TIMD4: variants seen among roughly 807,000 people sequenced by gnomAD.
The protein encoded by TIMD4 is T cell immunoglobulin and mucin domain containing 4.
A neutral mutation model predicts 41.2 loss-of-function variants in TIMD4; 31 were observed. The observed-to-expected ratio is 0.75, with a 90% CI of 0.57 to 1.01. The LOEUF (loss-of-function observed/expected upper bound fraction) is 1.01, where lower values mean the gene tolerates loss of function less well. TIMD4 is among the 50% of genes least tolerant of loss of function. The probability of loss-of-function intolerance (pLI) is 0.00; values close to 1 mark genes in which losing one functional copy is unlikely to be tolerated. For synonymous variants in TIMD4, 204 were observed against 177.1 expected, an observed-to-expected ratio of 1.15 and a Z score of -1.21; for missense variants, 479 against 472.5, an observed-to-expected ratio of 1.01 and a Z score of -0.13.
rs142300944 is a variant in TIMD4, at chr5:156,935,913, G to A, written c.845-9601C>T. On this transcript the variant is annotated intron_variant, in intron 5 of 8. Coordinates refer to ENST00000274532, the MANE Select transcript of TIMD4 (RefSeq NM_138379.3). ...ACTCTCCTCTGGAGGGCAATGTCTA[G>A]CACTGGGCTTTGCCCACATTAGCTG... Among the ~76,000 whole-genome samples, 408 of 152,308 alleles carry A rather than the reference G, an allele frequency of 2.7e-3. 6 individuals are homozygous for A. The highest frequency in any genetic ancestry group is 0.014 in the Middle Eastern group (4 of 294).
chr5:156,924,482 T>C, intron 6 of TIMD4: 1 of 486,174 alleles, frequency 2.1e-6, no homozygotes, highest in Admixed American at 2.3e-5. Flanking sequence ...TTGCTGGCCT[T>C]GTTGGACTTG....
At position 156,951,655 on chromosome 5, in the gene TIMD4, G is replaced by A. The variant is rs61744066; in HGVS notation, c.536C>T (p.Thr179Ile). 4,626 of 1,614,114 alleles carry A rather than the reference G, an allele frequency of 2.9e-3. 146 individuals carry two copies. The African/African-American group carries it at 0.057, about 20-fold the overall frequency. ...GGTTGTCATCTGGAGTGGTGTTCCG[G>A]TTGTGAGATCGGGTGTGGTCACGAC... Reference protein sequence around the residue: ...TTVVTTPDLTTGTPLQMTTIA... With the variant: ...TTVVTTPDLTIGTPLQMTTIA... The change falls in exon 3 of 9, where the codon ACC (threonine) becomes ATC (isoleucine). Residue 179 changes from threonine (T) to isoleucine (I), a missense_variant. Transcript: ENST00000274532.
At chr5:156,927,701 G>C (rs1048085768) in intron 5 of TIMD4, among the ~76,000 whole-genome samples, 2 of 152,170 alleles carry the variant, frequency 1.3e-5, no homozygotes, top group Non-Finnish European at 2.9e-5. Context: ...GACATTGAAT[G>C]TGGGGGTAAG....
At chr5:156,930,252 C>T (rs1759422329) in intron 5 of TIMD4, among the ~76,000 whole-genome samples, 1 of 152,160 alleles carries the variant, frequency 6.6e-6, no homozygotes. Context: ...TGAACCACTG[C>T]ACCCAGCCTC....
intron 5 of TIMD4, among the ~76,000 whole-genome samples, chr5:156,927,242 A>G (rs1487060713): frequency 1.3e-5 from 2 of 152,248 alleles, no homozygotes; most frequent in South Asian, 2.1e-4. Flanking sequence ...CACCTCACAT[A>G]TACTTGGTGC....
intron 1 of TIMD4, among the ~76,000 whole-genome samples, chr5:156,956,321 C>T (rs901009179): frequency 6.6e-6 from 1 of 152,188 alleles, no homozygotes; most frequent in Middle Eastern, 3.4e-3. Context: ...TCTAAAATGG[C>T]AGCTGTGCCA....
intron 5 of TIMD4, among the ~76,000 whole-genome samples, chr5:156,947,655 A>C (rs1759769260): frequency 6.6e-6 from 1 of 152,262 alleles, no homozygotes; most frequent in African/African-American, 2.4e-5. Flanking sequence ...TATAACAATA[A>C]GTGAATAAAA....
intron 5 of TIMD4, among the ~76,000 whole-genome samples, chr5:156,947,513 A>G (rs141004404): frequency 8.9e-4 from 136 of 152,360 alleles, no homozygotes; most frequent in African/African-American, 3.1e-3. Flanking sequence ...AGCACTGTTT[A>G]TAAAAAGGAA....
At chr5:156,948,594 T>A in intron 4 of TIMD4, 95 bp from the exon 5 acceptor site, 1 of 692,142 alleles carries the variant, frequency 1.4e-6, no homozygotes, top group Non-Finnish European at 2.1e-6. Context: ...ACTTCTGTCA[T>A]TGAAAACAAA....
intron 5 of TIMD4, among the ~76,000 whole-genome samples, chr5:156,944,792 A>G (rs976144501): frequency 3.3e-5 from 5 of 151,788 alleles, no homozygotes; most frequent in Non-Finnish European, 5.9e-5. Context: ...GGCTTGAGCC[A>G]CTGTGCCTGG....
rs1302764221 is a variant in TIMD4, at chr5:156,963,220, G to A, written c.-22C>T. On this transcript the variant is annotated 5_prime_UTR_variant, in exon 1 of 9. Coordinates refer to ENST00000274532, the MANE Select transcript of TIMD4 (RefSeq NM_138379.3). ...ACATTTTGACGGTTGACCGGACCCA[G>A]GAGTCTGTCTATCTATCCAAAGCCC... 3.1e-6 allele frequency: 5 copies of A among 1,613,964 alleles called. No homozygotes were observed. Among genetic ancestry groups the A allele is most frequent in the Non-Finnish European group, 4.2e-6 (5 of 1,179,854 alleles).
chr5:156,948,858 T>A (rs957932969), intron 4 of TIMD4, among the ~76,000 whole-genome samples: 2 of 152,242 alleles, frequency 1.3e-5, no homozygotes, highest in African/African-American at 2.4e-5. Context: ...TGTGCTGTAC[T>A]ATCACAAACG....
intron 6 of TIMD4, chr5:156,924,053 G>T (rs1212481582): frequency 5.2e-6 from 1 of 191,258 alleles, no homozygotes; most frequent in Non-Finnish European, 1.1e-5. Flanking sequence ...TCGCCCTGTT[G>T]CCCAGGCTAG....
chr5:156,960,947 A>T (rs548166770), intron 1 of TIMD4, among the ~76,000 whole-genome samples: 1 of 152,378 alleles, frequency 6.6e-6, no homozygotes, highest in African/African-American at 2.4e-5. Context: ...TAGCCAGGAA[A>T]AGCCTGAATT....
At chr5:156,919,751 T>G (rs573821662) in intron 8 of TIMD4, among the ~76,000 whole-genome samples, 1 of 152,308 alleles carries the variant, frequency 6.6e-6, no homozygotes, top group Admixed American at 6.5e-5. Flanking sequence ...TAAAAAAGAT[T>G]CTTAGCAAAA....
chr5:156,961,090 G>T (rs372251721), intron 1 of TIMD4, among the ~76,000 whole-genome samples: 1 of 152,182 alleles, frequency 6.6e-6, no homozygotes, highest in South Asian at 2.1e-4. Context: ...TGTTGGAAAG[G>T]TTTCTGCACA....
chr5:156,952,288 T>C (rs1459462470), intron 2 of TIMD4, among the ~76,000 whole-genome samples: 2 of 133,810 alleles, frequency 1.5e-5, no homozygotes, highest in African/African-American at 3.0e-5. Flanking sequence ...AGACTCCATC[T>C]CAAAAAAAAA....
chr5:156,922,256 T>C lies in TIMD4; in HGVS notation c.895-40A>G, dbSNP rs375168347. On this transcript the variant is annotated intron_variant, in intron 6 of 8. Coordinates refer to ENST00000274532, the MANE Select transcript of TIMD4 (RefSeq NM_138379.3). Reference sequence around the variant, plus strand: ...GCAAGGAGATGGACCCAGTCACTGCTAGATGCCACCCTCACAAGATGACAT... The same window carrying C: ...GCAAGGAGATGGACCCAGTCACTGCCAGATGCCACCCTCACAAGATGACAT... 1.1e-5 allele frequency: 16 copies of C among 1,476,984 alleles called. No homozygotes were observed. In the African/African-American group the frequency reaches 2.2e-4, roughly 21 times the overall value. 91.5% of individuals were successfully genotyped at this position (1,476,984 alleles called of 1,614,324 possible).
chr5:156,925,240 G>A (rs561803723), intron 6 of TIMD4, among the ~76,000 whole-genome samples: 7 of 152,232 alleles, frequency 4.6e-5, no homozygotes, highest in Non-Finnish European at 1.0e-4. Flanking sequence ...AACCCAGGAG[G>A]CAGAGGTTGC....
Sources: gnomAD v4.1 joint callset for allele counts (sites outside exome capture counted in the v4.1 genomes callset) on GRCh38, gnomAD v4.1.1 for gene constraint, MANE v1.5 for transcripts, NCBI Gene and HGNC (gene_info 2026-07-23, HGNC 2026-07-21) for gene names.